PKHD1L1: variants seen among roughly 807,000 people sequenced by gnomAD.
PKHD1L1 encodes the protein fibrocystin-L.
In PKHD1L1, 434 loss-of-function variants were observed where a neutral mutation model predicts 462.9. The ratio of observed to expected loss-of-function variants is 0.94; its 90% CI spans 0.87 to 1.02. The LOEUF (loss-of-function observed/expected upper bound fraction) is 1.02, where lower values mean the gene tolerates loss of function less well. Among genes scored for constraint, PKHD1L1 ranks in the 50% least tolerant of loss-of-function variants. The probability of loss-of-function intolerance (pLI) is 0.00; values close to 1 mark genes in which losing one functional copy is unlikely to be tolerated. For missense variants in PKHD1L1, 5,202 were observed against 5,096.1 expected (o/e 1.02, Z -0.63); for synonymous variants, 1,781 against 1,750.0 (o/e 1.02, Z -0.44).
At chr8:109,504,552 C>A in intron 68 of PKHD1L1, 60 bp downstream of exon 68, 1 of 1,057,278 alleles carries the variant, frequency 9.5e-7, no homozygotes, top group Non-Finnish European at 1.3e-6. Flanking sequence ...TCACTTCCTC[C>A]TGCTCAAGAT....
intron 50 of PKHD1L1, among the ~76,000 whole-genome samples, chr8:109,468,640 C>T (rs1289515790): frequency 1.3e-5 from 2 of 152,342 alleles, no homozygotes; most frequent in Non-Finnish European, 2.9e-5. Context: ...CATGACCCTA[C>T]TGGTCTCACT....
chr8:109,486,655 A>T lies in PKHD1L1; in HGVS notation c.9714A>T (p.Lys3238Asn), dbSNP rs1463365600. 1 of 1,610,942 alleles carries T rather than the reference A, an allele frequency of 6.2e-7. No individual in the cohort carries two copies. Among genetic ancestry groups the T allele is most frequent in the East Asian group, 2.2e-5 (1 of 44,784 alleles). ...GCTGCCTTTATACTGCAGCTGAAAA[A>T]TACCATGTCCCTGGAACTGGTGAGA... ...DSLSYTHFAEKYHVPGTGESY... is the reference protein window; with the variant it reads ...DSLSYTHFAENYHVPGTGESY... Residue 3238 changes from lysine (K) to asparagine (N), a missense_variant, in exon 59 of 78, where the codon AAA becomes AAT. Coordinates refer to ENST00000378402, the MANE Select transcript of PKHD1L1 (RefSeq NM_177531.6).
At chr8:109,527,309 C>T (rs1820867719) in intron 77 of PKHD1L1, among the ~76,000 whole-genome samples, 1 of 152,026 alleles carries the variant, frequency 6.6e-6, no homozygotes, top group African/African-American at 2.4e-5. Flanking sequence ...GGAGACCAGC[C>T]TGGCCAACAT....
At chr8:109,412,229 A>G (rs1489600909) in intron 19 of PKHD1L1, 36 bp from the exon 20 acceptor site, 3 of 1,608,050 alleles carry the variant, frequency 1.9e-6, no homozygotes, top group Non-Finnish European at 1.7e-6. Flanking sequence ...AGAACAATAA[A>G]TCATGTTTTC....
rs1453037938 is a variant in PKHD1L1 at position 109,476,641 on chromosome 8, C to T, written c.8891C>T (p.Ala2964Val). Residue 2964 changes from alanine to valine, a missense_variant, in exon 52 of 78, where the codon GCA becomes GTA. Physicochemically the swap from Ala to Val is moderately conservative, Grantham distance 64. Around this residue, in one of 3 missense-constraint regions of PKHD1L1, gnomAD observed 4,497 missense variants for 4,336.8 expected, o/e 1.04. Coordinates refer to ENST00000378402, the MANE Select transcript of PKHD1L1 (RefSeq NM_177531.6). Reference protein sequence around the residue: ...TSKNGDWHLEANTSTLYYLVS... With the variant: ...TSKNGDWHLEVNTSTLYYLVS... ...AAGAATGGGGACTGGCACCTTGAAG[C>T]AAACACTAGTACTCTATATTACTTG... 2 of 1,600,438 alleles carry T rather than the reference C, an allele frequency of 1.2e-6. No homozygotes were observed. The highest frequency in any genetic ancestry group is 1.7e-6 in the Non-Finnish European group (2 of 1,172,608).
intron 10 of PKHD1L1, among the ~76,000 whole-genome samples, chr8:109,394,810 C>G (rs569769404): frequency 6.6e-6 from 1 of 152,326 alleles, no homozygotes; most frequent in African/African-American, 2.4e-5. Flanking sequence ...TTAACCAAAA[C>G]CAGTATAGAT....
At position 109,459,543 on chromosome 8, in the gene PKHD1L1, T is replaced by C. The variant is rs907395410; in HGVS notation, c.7005-52T>C. ...ATAAAACAAATATACCAAAACAATA[T>C]GTTATGTCAATTTATATTAATTTTA... On this transcript the variant is annotated intron_variant, in intron 46 of 77. Transcript: ENST00000378402. The C allele has an allele frequency of 1.2e-5, 17 of 1,366,474 alleles. No individual in the cohort carries two copies. The Admixed American group carries it at 3.3e-4, about 26-fold the overall frequency. 84.6% of individuals were successfully genotyped at this position (1,366,474 alleles called of 1,614,324 possible).
In PKHD1L1 at chr8:109,448,154, A is replaced by G. The variant is rs1816262545; in HGVS notation, c.5788A>G (p.Thr1930Ala). The change falls in exon 39 of 78, where the codon ACT becomes GCT. Residue 1930 changes from threonine (T) to alanine (A), a missense_variant. Coordinates refer to ENST00000378402, the MANE Select transcript of PKHD1L1 (RefSeq NM_177531.6). ...TTTTTTTTTTTAAGGTCCACCAGGA[A>G]CTGAAATTGAGATCACTGGATCCAA... ...GIIPSRGPPG[T>A]EIEITGSNFG... The G allele has an allele frequency of 1.9e-6, 3 of 1,605,348 alleles. No homozygotes were observed. The highest frequency in any genetic ancestry group is 2.6e-6 in the Non-Finnish European group (3 of 1,175,532).
At chr8:109,363,419 A>G (rs529580395) in intron 1 of PKHD1L1, among the ~76,000 whole-genome samples, 2 of 152,324 alleles carry the variant, frequency 1.3e-5, no homozygotes, top group South Asian at 2.1e-4. Flanking sequence ...TTTTGCTACT[A>G]TAGGTGAAGT....
At chr8:109,426,386 T>A in intron 24 of PKHD1L1, among the ~76,000 whole-genome samples, 1 of 151,864 alleles carries the variant, frequency 6.6e-6, no homozygotes, top group East Asian at 1.9e-4. Flanking sequence ...ATTTGATATT[T>A]GTGAATTGAT....
In PKHD1L1 at chr8:109,413,557, T is replaced by C. The variant is rs1465126324; in HGVS notation, c.2360+12T>C. 3 of 1,497,996 alleles carry C rather than the reference T, an allele frequency of 2.0e-6. No individual in the cohort carries two copies. Among genetic ancestry groups the C allele is most frequent in the South Asian group, 1.4e-5 (1 of 71,264 alleles). 92.8% of individuals were successfully genotyped at this position (1,497,996 alleles called of 1,614,324 possible). On this transcript the variant is annotated intron_variant, in intron 21 of 77. Coordinates refer to ENST00000378402, the MANE Select transcript of PKHD1L1 (RefSeq NM_177531.6). ...GCTTATGGAAACAAGTAAGTTACGC[T>C]ATGAATTTGAAAATTACATTATACC...
At chr8:109,431,104 A>G (rs1815073946) in intron 27 of PKHD1L1, among the ~76,000 whole-genome samples, 1 of 151,966 alleles carries the variant, frequency 6.6e-6, no homozygotes, top group African/African-American at 2.4e-5. Flanking sequence ...AGTAGCTGAG[A>G]CTACAGGTGC....
In PKHD1L1 at chr8:109,465,116, G is replaced by A. The variant is rs1372226873; in HGVS notation, c.8284G>A (p.Val2762Ile). ...TTTGGGAGTGACATCCATCTCTGGAGTTTGTAATGACAGATGTGGGGGTTG... is the reference window on the plus strand; with the variant it reads ...TTTGGGAGTGACATCCATCTCTGGAATTTGTAATGACAGATGTGGGGGTTG... ...VALGVTSISGVCNDRCGGWSA... is the reference protein window; with the variant it reads ...VALGVTSISGICNDRCGGWSA... The change falls in exon 49 of 78, where the codon GTT (valine) becomes ATT (isoleucine). Residue 2762 changes from valine (V) to isoleucine (I), a missense_variant. Val to Ile is a conservative substitution (Grantham distance 29). Around this residue, in one of 3 missense-constraint regions of PKHD1L1, gnomAD observed 4,497 missense variants for 4,336.8 expected, o/e 1.04. Transcript: ENST00000378402. 6.2e-7 allele frequency: 1 copy of A among 1,613,814 alleles called. No homozygotes were observed. The highest frequency in any genetic ancestry group is 1.1e-5 in the South Asian group (1 of 91,084).
chr8:109,372,434 A>AT (rs1472554480), intron 2 of PKHD1L1, among the ~76,000 whole-genome samples: 1 of 152,206 alleles, frequency 6.6e-6, no homozygotes, highest in Non-Finnish European at 1.5e-5. Flanking sequence ...TAGATATACA[A>AT]TCTCGTCATC....
At chr8:109,420,024 G>A (rs1334733857) in intron 22 of PKHD1L1, among the ~76,000 whole-genome samples, 2 of 152,004 alleles carry the variant, frequency 1.3e-5, no homozygotes, top group Non-Finnish European at 2.9e-5. Flanking sequence ...GATTGTGCTG[G>A]GATAAATATT....
intron 7 of PKHD1L1, 58 bp from the exon 8 acceptor site, chr8:109,389,021 C>A: frequency 1.7e-6 from 2 of 1,184,992 alleles, no homozygotes; most frequent in Non-Finnish European, 1.2e-6. Flanking sequence ...AAGAGAAACA[C>A]AATATTCTAA....
intron 28 of PKHD1L1, among the ~76,000 whole-genome samples, chr8:109,434,967 T>G (rs1586503391): frequency 1.3e-5 from 2 of 152,256 alleles, no homozygotes; most frequent in East Asian, 3.9e-4. Context: ...CTTTCACTAT[T>G]GGTTTACCTA....
At chr8:109,389,559 G>T (rs980895280) in intron 8 of PKHD1L1, among the ~76,000 whole-genome samples, 1 of 145,828 alleles carries the variant, frequency 6.9e-6, no homozygotes, top group African/African-American at 2.5e-5. Flanking sequence ...ACAGAGTCTT[G>T]CTCTGTTGCC....
intron 46 of PKHD1L1, among the ~76,000 whole-genome samples, chr8:109,457,567 A>G (rs1032259621): frequency 1.3e-5 from 2 of 152,172 alleles, no homozygotes; most frequent in Non-Finnish European, 2.9e-5. Flanking sequence ...TTCAAAAGTC[A>G]GTTTGTCTCT....
Sources: gnomAD v4.1 joint callset for allele counts (sites outside exome capture counted in the v4.1 genomes callset) on GRCh38, gnomAD v4.1.1 for gene constraint, gnomAD v4.1.1 regional missense constraint, MANE v1.5 for transcripts, NCBI Gene and HGNC (gene_info 2026-07-23, HGNC 2026-07-21) for gene names.